The following AFG2A variants were observed in gnomAD, a reference collection of about 807,000 sequenced individuals.
AFG2A encodes the protein AAA ATPase AFG2A, also known as ATPase family gene 2 protein homolog A.
the AFG2A span, among the ~76,000 whole-genome samples, chr4:123,150,683 G>T: frequency 6.6e-6 from 1 of 152,174 alleles, no homozygotes; most frequent in African/African-American, 2.4e-5. Context: ...CATGAAAGTG[G>T]CCATACTGCC....
chr4:123,134,334 C>G, the AFG2A span, among the ~76,000 whole-genome samples: 2 of 152,272 alleles, frequency 1.3e-5, no homozygotes, highest in African/African-American at 4.8e-5. Context: ...ATTCAGTTTG[C>G]TCGTCATCAC....
chr4:122,954,345 C>A, the AFG2A span, among the ~76,000 whole-genome samples: 16 of 152,320 alleles, frequency 1.1e-4, no homozygotes, highest in Non-Finnish European at 2.2e-4. Context: ...CCACTAGTTC[C>A]ATAGTGGTGT....
chr4:123,181,683 T>C, the AFG2A span, among the ~76,000 whole-genome samples: 1 of 151,976 alleles, frequency 6.6e-6, no homozygotes, highest in Non-Finnish European at 1.5e-5. Context: ...TCTATGAAAA[T>C]AGGTTTGGCC....
chr4:123,315,822 G>A, the AFG2A span: 1 of 152,196 alleles, frequency 6.6e-6, no homozygotes. Context: ...GTGTCACCCA[G>A]GCTGGAATGC....
chr4:122,943,887 A>G, the AFG2A span, among the ~76,000 whole-genome samples: 1 of 151,452 alleles, frequency 6.6e-6, no homozygotes, highest in Non-Finnish European at 1.5e-5. Flanking sequence ...TTTCTCCTTC[A>G]CTTATGAAGC....
At chr4:123,085,212 A>G in the AFG2A span, among the ~76,000 whole-genome samples, 1 of 151,894 alleles carries the variant, frequency 6.6e-6, no homozygotes, top group African/African-American at 2.4e-5. Context: ...GTGTAGATAT[A>G]AGTTATATCC....
At chr4:123,056,305 G>A in the AFG2A span, 2 of 1,309,034 alleles carry the variant, frequency 1.5e-6, no homozygotes, top group African/African-American at 1.5e-5. Flanking sequence ...TCTCTTTTGT[G>A]TATATTTTTT....
At chr4:123,122,432 T>G in the AFG2A span, among the ~76,000 whole-genome samples, 3 of 152,224 alleles carry the variant, frequency 2.0e-5, no homozygotes, top group Non-Finnish European at 4.4e-5. Context: ...AAAACCTGTT[T>G]TATAATAAAC....
chr4:123,051,198 G>A, the AFG2A span, among the ~76,000 whole-genome samples: 4 of 149,632 alleles, frequency 2.7e-5, no homozygotes, highest in Admixed American at 1.3e-4. Context: ...GTCTTCTTTT[G>A]TGGCTGAGTG....
At chr4:123,017,136 GGGGAGA>G in the AFG2A span, among the ~76,000 whole-genome samples, 1 of 115,140 alleles carries the variant, frequency 8.7e-6, no homozygotes, top group African/African-American at 3.2e-5. Flanking sequence ...GGGAGACCGT[GGGGAGA>G]GGGAGAGGGG....
the AFG2A span, among the ~76,000 whole-genome samples, chr4:123,132,609 T>C: frequency 1.3e-5 from 2 of 149,002 alleles, no homozygotes; most frequent in Non-Finnish European, 3.0e-5. Flanking sequence ...TATATATATA[T>C]ATATATGTGC....
At chr4:122,966,222 G>T in the AFG2A span, among the ~76,000 whole-genome samples, 5 of 152,280 alleles carry the variant, frequency 3.3e-5, no homozygotes, top group East Asian at 7.7e-4. Context: ...GAGTGGGAAA[G>T]AATCTGAAGG....
chr4:123,014,876 A>G, the AFG2A span, among the ~76,000 whole-genome samples: 4 of 152,210 alleles, frequency 2.6e-5, no homozygotes, highest in Non-Finnish European at 4.4e-5. Flanking sequence ...AATCAAGAGC[A>G]ATTAGTGGCC....
chr4:123,290,201 A>G, the AFG2A span, among the ~76,000 whole-genome samples: 1 of 152,040 alleles, frequency 6.6e-6, no homozygotes, highest in Non-Finnish European at 1.5e-5. Context: ...GTTTTAGTTT[A>G]ATTAAAGTTC....
At chr4:123,078,523 G>A in the AFG2A span, among the ~76,000 whole-genome samples, 4 of 152,140 alleles carry the variant, frequency 2.6e-5, no homozygotes, top group African/African-American at 4.8e-5. Flanking sequence ...TTGTATAGAG[G>A]TAAAGAGCAT....
chr4:122,957,884 T>C, the AFG2A span, among the ~76,000 whole-genome samples: 1 of 152,140 alleles, frequency 6.6e-6, no homozygotes, highest in Non-Finnish European at 1.5e-5. Flanking sequence ...GCAATATTAA[T>C]GACTTCTGGT....
the AFG2A span, among the ~76,000 whole-genome samples, chr4:123,174,022 A>G: frequency 6.6e-6 from 1 of 152,192 alleles, no homozygotes; most frequent in Non-Finnish European, 1.5e-5. Context: ...TGGAGCAGAA[A>G]AGAGAAACTA....
chr4:123,142,508 G>C, the AFG2A span, among the ~76,000 whole-genome samples: 3 of 152,148 alleles, frequency 2.0e-5, no homozygotes, highest in Admixed American at 6.5e-5. Context: ...ATATATGTGA[G>C]TAATTTTCTT....
the AFG2A span, chr4:123,057,227 G>A: frequency 6.2e-7 from 1 of 1,613,910 alleles, no homozygotes. Flanking sequence ...AAAAGCAAGA[G>A]CAGTGGCGCC....
Sources: gnomAD v4.1 joint callset for allele counts (sites outside exome capture counted in the v4.1 genomes callset) on GRCh38, gnomAD v4.1.1 for gene constraint, MANE v1.5 for transcripts, NCBI Gene and HGNC (gene_info 2026-07-23, HGNC 2026-07-21) for gene names.